The following DPP3 variants were observed in gnomAD, a reference collection of about 807,000 sequenced individuals.
DPP3 encodes the protein DPP III.
DPP3 carries 64 observed loss-of-function variants against 89.8 expected under a neutral mutation model. The observed-to-expected ratio is 0.71, with a 90% CI of 0.58 to 0.88. DPP3 has a LOEUF of 0.88. Among genes scored for constraint, DPP3 ranks in the 40% least tolerant of loss-of-function variants. The pLI is 0.00. For missense variants in DPP3, 835 were observed against 972.5 expected (o/e 0.86, Z 1.88); for synonymous variants, 377 against 404.3 (o/e 0.93, Z 0.81).
chr11:66,489,098 C>T (rs951811905), intron 6 of DPP3, among the ~76,000 whole-genome samples: 5 of 152,204 alleles, frequency 3.3e-5, no homozygotes, highest in African/African-American at 1.2e-4. Context: ...CTCCTGACCT[C>T]AGGTGATCCG....
At chr11:66,484,060 C>A (rs1181946162) in intron 2 of DPP3, among the ~76,000 whole-genome samples, 3 of 152,112 alleles carry the variant, frequency 2.0e-5, no homozygotes, top group Non-Finnish European at 2.9e-5. Context: ...TCACTGCAAC[C>A]TCCAACTCCC....
In DPP3 at chr11:66,509,130, G is replaced by C. The variant is rs1855879568; in HGVS notation, c.2093G>C (p.Arg698Pro). 1.9e-6 allele frequency: 3 copies of C among 1,614,148 alleles called. No homozygotes were observed. Among genetic ancestry groups the C allele is most frequent in the Non-Finnish European group, 2.5e-6 (3 of 1,180,040 alleles). The change falls in exon 18 of 18, where the codon CGA becomes CCA. Residue 698 changes from arginine (R) to proline (P), a missense_variant. Physicochemically the swap from Arg to Pro is moderately radical, Grantham distance 103. Transcript: ENST00000531863. ...GAGGCGTCAGCTGCTGGCCTCATCC[G>C]ATCCTTCTCTGAGCGTTTCCCAGAG... ...EYEASAAGLIRSFSERFPEDG... is the reference protein window; with the variant it reads ...EYEASAAGLIPSFSERFPEDG...
At chr11:66,483,584 G>A (rs887885590) in intron 2 of DPP3, among the ~76,000 whole-genome samples, 1 of 151,912 alleles carries the variant, frequency 6.6e-6, no homozygotes, top group South Asian at 2.1e-4. Flanking sequence ...CTTCATTACT[G>A]GACATTTAGC....
Position 66,491,765 on chromosome 11 carries a change from C to T in DPP3, c.988+9C>T. 1.2e-6 allele frequency: 2 copies of T among 1,613,844 alleles called. No homozygotes were observed. The highest frequency in any genetic ancestry group is 2.2e-5 in the East Asian group (1 of 44,878). The stretch of plus-strand genomic sequence containing the variant: ...CCGAGGAGAATTTGAAGGTAACTTC[C>T]TCAGGGAGGAGGTCAGTCACAGTCC... On this transcript the variant is annotated intron_variant, in intron 9 of 17. Coordinates refer to ENST00000531863, the MANE Select transcript of DPP3 (RefSeq NM_130443.4).
Position 66,482,333 on chromosome 11 carries a change from G to A in DPP3, c.133G>A (p.Gly45Ser), listed in dbSNP as rs762427559. Residue 45 changes from glycine to serine, a missense_variant, in exon 2 of 18, where the codon GGC becomes AGC. Gly to Ser is a moderately conservative substitution (Grantham distance 56). Transcript: ENST00000531863. ...YHLSRAAWYG[G>S]LAVLLQTSPE... ...CCTGTCCCGTGCCGCCTGGTACGGA[G>A]GCCTGGCTGTGCTGCTTCAGACCTC... 2 of 1,613,820 alleles carry A rather than the reference G, an allele frequency of 1.2e-6. No homozygotes were observed.
At chr11:66,488,093 C>G (rs566421285) in intron 6 of DPP3, 86 bp downstream of exon 6, 26 of 1,160,498 alleles carry the variant, frequency 2.2e-5, no homozygotes, top group Non-Finnish European at 3.2e-5. Context: ...TCTGCCACTC[C>G]TTCAGAAAGA....
intron 2 of DPP3, 125 bp downstream of exon 2, chr11:66,482,595 C>T (rs1247265966): frequency 4.4e-6 from 6 of 1,352,304 alleles, no homozygotes; most frequent in Non-Finnish European, 6.0e-6. Context: ...AATTCAGGCA[C>T]TTCCCCTCTC....
rs766527382 is a variant in DPP3 at position 66,482,273 on chromosome 11, C to T, written c.73C>T (p.Leu25=). Residue 25 remains leucine, a synonymous_variant, in exon 2 of 18, where the codon CTG becomes TTG. Coordinates refer to ENST00000531863, the MANE Select transcript of DPP3 (RefSeq NM_130443.4). ...SSLDCREAFR[L]LSPTERLYAY... is the part of the protein sequence containing the mutation. ...CCTGGACTGCCGTGAGGCCTTCCGC[C>T]TGCTGTCACCCACAGAGCGCCTCTA... 6.2e-7 allele frequency: 1 copy of T among 1,614,226 alleles called. No individual in the cohort carries two copies. Among genetic ancestry groups the T allele is most frequent in the Non-Finnish European group, 8.5e-7 (1 of 1,180,046 alleles).
intron 3 of DPP3, 50 bp from the exon 4 acceptor site, chr11:66,486,490 A>G: frequency 2.1e-6 from 3 of 1,443,234 alleles, no homozygotes; most frequent in Non-Finnish European, 2.7e-6. Context: ...AGGCTCTGGA[A>G]GGCAGGTTTG....
At chr11:66,494,112 C>T (rs1020800196) in intron 12 of DPP3, among the ~76,000 whole-genome samples, 3 of 152,132 alleles carry the variant, frequency 2.0e-5, no homozygotes, top group Non-Finnish European at 2.9e-5. Context: ...TGGGCTTTTC[C>T]GGGTATCGTA....
rs76777675 is a variant in DPP3, at chr11:66,493,573, C to A, written c.1329C>A (p.Phe443Leu). The A allele has an allele frequency of 3.7e-6, 6 of 1,613,050 alleles. No homozygotes were observed. In the African/African-American group the frequency reaches 8.0e-5, roughly 22 times the overall value. ...DLYILWKGPS[F>L]DVQVGLHELL... ...ACATCCTCTGGAAGGGGCCCTCCTTCGATGTGCAGGTGGGCCTGCACGAGC... is the reference window on the plus strand; with the variant it reads ...ACATCCTCTGGAAGGGGCCCTCCTTAGATGTGCAGGTGGGCCTGCACGAGC... The change falls in exon 12 of 18, where the codon TTC (phenylalanine) becomes TTA (leucine). Residue 443 changes from phenylalanine to leucine, a missense_variant. Coordinates refer to ENST00000531863, the MANE Select transcript of DPP3 (RefSeq NM_130443.4).
Position 66,482,178 on chromosome 11 carries a change from A to C in DPP3, c.-8-15A>C, listed in dbSNP as rs1200029991. 1.2e-6 allele frequency: 2 copies of C among 1,612,652 alleles called. No homozygotes were observed. The highest frequency in any genetic ancestry group is 1.3e-5 in the African/African-American group (1 of 75,018). On this transcript the variant is annotated splice_polypyrimidine_tract_variant and intron_variant, in intron 1 of 17. Transcript: ENST00000531863. ...TGGGGTAAACAACAGCTGTGATGAC[A>C]GTGATGGTTCTCAGCAGGGCCCATG...
chr11:66,497,959 G>A (rs1399159213), intron 16 of DPP3, among the ~76,000 whole-genome samples: 1 of 152,040 alleles, frequency 6.6e-6, no homozygotes, highest in African/African-American at 2.4e-5. Context: ...TTATTAGACA[G>A]AGTTTTGCTC....
At position 66,480,485 on chromosome 11, in the gene DPP3, C is replaced by T. The variant is rs926261464; in HGVS notation, c.-9+20C>T. 1 of 1,479,984 alleles carries T rather than the reference C, an allele frequency of 6.8e-7. No individual in the cohort carries two copies. The allele number at this position is 1,479,984 out of a possible 1,614,324, so 91.7% of individuals were successfully genotyped here. Reference sequence around the variant, plus strand: ...CTGCAGGTGAGGCGCGGCGCCTGGGCTTTTGGGGTCAAAGCGTGTCATCCC... The same window carrying T: ...CTGCAGGTGAGGCGCGGCGCCTGGGTTTTTGGGGTCAAAGCGTGTCATCCC... On this transcript the variant is annotated intron_variant, in intron 1 of 17. Transcript: ENST00000531863.
intron 11 of DPP3, among the ~76,000 whole-genome samples, 163 bp downstream of exon 11, chr11:66,493,342 T>A (rs1160172649): frequency 6.6e-6 from 1 of 152,200 alleles, no homozygotes; most frequent in Non-Finnish European, 1.5e-5. Context: ...CTCAGTTTCC[T>A]CTTGGGTCAC....
intron 17 of DPP3, among the ~76,000 whole-genome samples, chr11:66,505,898 G>A (rs936338764): frequency 2.6e-5 from 4 of 151,594 alleles, no homozygotes; most frequent in African/African-American, 9.7e-5. Context: ...CCTATTATTG[G>A]TGAGGAAAAA....
At chr11:66,482,610 G>A (rs1316923158) in intron 2 of DPP3, 140 bp downstream of exon 2, 2 of 1,278,196 alleles carry the variant, frequency 1.6e-6, no homozygotes, top group African/African-American at 1.5e-5. Context: ...CCTCTCTGGA[G>A]CCTCAGTCTT....
chr11:66,488,663 G>A (rs1855300101), intron 6 of DPP3, among the ~76,000 whole-genome samples: 1 of 152,036 alleles, frequency 6.6e-6, no homozygotes, highest in African/African-American at 2.4e-5. Context: ...GGGGAAATTG[G>A]GGTCCATTCC....
rs147958933 is a variant in DPP3, at chr11:66,482,320, C to T, written c.120C>T (p.Ala40=). The change falls in exon 2 of 18, where the codon GCC becomes GCT. Residue 40 remains alanine, a synonymous_variant. Coordinates refer to ENST00000531863, the MANE Select transcript of DPP3 (RefSeq NM_130443.4). ...TCTATGCCTACCACCTGTCCCGTGC[C>T]GCCTGGTACGGAGGCCTGGCTGTGC... The part of the protein sequence containing the change: ...ERLYAYHLSR[A]AWYGGLAVLL... 603 of 1,613,950 alleles carry T rather than the reference C, an allele frequency of 3.7e-4. No individual in the cohort carries two copies. The highest frequency in any genetic ancestry group is 4.6e-4 in the Non-Finnish European group (548 of 1,180,028).
Sources: gnomAD v4.1 joint callset for allele counts (sites outside exome capture counted in the v4.1 genomes callset) on GRCh38, gnomAD v4.1.1 for gene constraint, MANE v1.5 for transcripts, NCBI Gene and HGNC (gene_info 2026-07-23, HGNC 2026-07-21) for gene names.